Variants in ARHGAP28 observed in about 807,000 individuals in gnomAD.
ARHGAP28 encodes the protein Rho GTPase activating protein 28.
Under a neutral mutation model 90.7 loss-of-function variants are expected in ARHGAP28, and 56 were observed. The ratio of observed to expected loss-of-function variants is 0.62; its 90% CI spans 0.50 to 0.77. The LOEUF (loss-of-function observed/expected upper bound fraction) is 0.77. Among genes scored for constraint, ARHGAP28 ranks in the 30% least tolerant of loss-of-function variants. ARHGAP28 has a pLI of 0.00. For missense variants in ARHGAP28, 869 were observed against 900.9 expected, an observed-to-expected ratio of 0.96 and a Z score of 0.45; for synonymous variants, 308 against 323.3, an observed-to-expected ratio of 0.95 and a Z score of 0.51.
At chr18:6,812,271 A>G (rs563245483) in intron 1 of ARHGAP28, among the ~76,000 whole-genome samples, 1 of 152,318 alleles carries the variant, frequency 6.6e-6, no homozygotes, top group South Asian at 2.1e-4. Context: ...CTTTTCCAAT[A>G]TATCACTTGG....
chr18:6,760,212 A>G (rs990361203), intron 1 of ARHGAP28, among the ~76,000 whole-genome samples: 2 of 152,220 alleles, frequency 1.3e-5, no homozygotes, highest in South Asian at 2.1e-4. Context: ...GTTTGGTGAC[A>G]GTAAATTTGC....
At chr18:6,735,513 G>T (rs1409684120) in intron 1 of ARHGAP28, among the ~76,000 whole-genome samples, 2 of 151,488 alleles carry the variant, frequency 1.3e-5, no homozygotes, top group East Asian at 3.9e-4. Flanking sequence ...CTTCAAATTG[G>T]GTTGGTCTGA....
At chr18:6,816,937 A>T (rs1214383634) in intron 1 of ARHGAP28, among the ~76,000 whole-genome samples, 1 of 151,852 alleles carries the variant, frequency 6.6e-6, no homozygotes, top group Non-Finnish European at 1.5e-5. Context: ...AAAACAAAAA[A>T]AAATTAGCCA....
At chr18:6,787,577 A>C (rs995594816) in intron 1 of ARHGAP28, among the ~76,000 whole-genome samples, 1 of 152,208 alleles carries the variant, frequency 6.6e-6, no homozygotes, top group Non-Finnish European at 1.5e-5. Flanking sequence ...TTTTTATCTA[A>C]GACAATATAG....
chr18:6,791,245 G>T (rs1423779261), intron 1 of ARHGAP28: 1 of 152,138 alleles, frequency 6.6e-6, no homozygotes, highest in African/African-American at 2.4e-5. Flanking sequence ...GACGCAGGCT[G>T]GGAGGCTAGG....
In ARHGAP28 at chr18:6,876,178, T is replaced by G; in HGVS notation, c.1260T>G (p.Phe420Leu). 2 of 1,614,124 alleles carry G rather than the reference T, an allele frequency of 1.2e-6. No homozygotes were observed. Among genetic ancestry groups the G allele is most frequent in the Non-Finnish European group, 1.7e-6 (2 of 1,179,986 alleles). ...EESGLESEGI[F>L]RLSGCTAKVK... ...CAGGTCTGGAATCTGAAGGAATTTT[T>G]CGACTTTCAGGATGTACTGCTAAAG... The change falls in exon 10 of 18, where the codon TTT becomes TTG. Residue 420 changes from phenylalanine to leucine, a missense_variant. Physicochemically the swap from Phe to Leu is conservative, Grantham distance 22. Coordinates refer to ENST00000383472, the MANE Select transcript of ARHGAP28 (RefSeq NM_001366230.1).
At position 6,803,936 on chromosome 18, in the gene ARHGAP28, G is replaced by A. The variant is rs539441693; in HGVS notation, c.123-20826G>A. On this transcript the variant is annotated intron_variant, in intron 1 of 17. Transcript: ENST00000383472. ...TGGGACTACAGGCGCCTCCCACCAC[G>A]CCCAGCTAATTTTTTTGTATTTTTA... is the stretch of plus-strand genomic sequence containing the variant. Among the ~76,000 whole-genome samples the A allele has an allele frequency of 9.2e-5, 14 of 151,874 alleles. No individual in the cohort carries two copies. The East Asian group carries it at 1.9e-3, about 21-fold the overall frequency.
chr18:6,873,511 G>C lies in ARHGAP28; in HGVS notation c.1057G>C (p.Ala353Pro). 6.2e-7 allele frequency: 1 copy of C among 1,614,142 alleles called. No homozygotes were observed. Among genetic ancestry groups the C allele is most frequent in the Non-Finnish European group, 8.5e-7 (1 of 1,180,004 alleles). ...IRHLSLIELTAFFDAFGIQLK... is the reference protein window; with the variant it reads ...IRHLSLIELTPFFDAFGIQLK... Reference sequence around the variant, plus strand: ...CCATCTCTCTCTGATTGAATTGACTGCCTTTTTTGATGCCTTTGGAATTCA... The same window carrying C: ...CCATCTCTCTCTGATTGAATTGACTCCCTTTTTTGATGCCTTTGGAATTCA... The change falls in exon 8 of 18, where the codon GCC becomes CCC. Residue 353 changes from alanine (A) to proline (P), a missense_variant. Ala to Pro is a conservative substitution (Grantham distance 27). Transcript: ENST00000383472.
rs745952797 is a variant in ARHGAP28, at chr18:6,873,447, A to G, written c.993A>G (p.Glu331=). ...AGAAAACCAGATTTGGCTTAACTGA[A>G]GCAGGAGATCTGTCTGCTGAAGACA... ...NVQKTRFGLT[E]AGDLSAEDMK... The change falls in exon 8 of 18, where the codon GAA becomes GAG. Residue 331 remains glutamate (E), a synonymous_variant. Coordinates refer to ENST00000383472, the MANE Select transcript of ARHGAP28 (RefSeq NM_001366230.1). The G allele has an allele frequency of 1.9e-6, 3 of 1,612,492 alleles. No homozygotes were observed. In the Admixed American group the frequency reaches 5.0e-5, roughly 27 times the overall value.
At chr18:6,809,380 G>T (rs1054123802) in intron 1 of ARHGAP28, among the ~76,000 whole-genome samples, 2 of 152,126 alleles carry the variant, frequency 1.3e-5, no homozygotes, top group Non-Finnish European at 2.9e-5. Context: ...TTACTAGAAT[G>T]AAACCATAAT....
At chr18:6,879,038 T>C (rs1021777153) in intron 10 of ARHGAP28, among the ~76,000 whole-genome samples, 11 of 152,158 alleles carry the variant, frequency 7.2e-5, no homozygotes, top group African/African-American at 2.7e-4. Flanking sequence ...GTGCTTTAAT[T>C]GCTTGGGGAG....
chr18:6,889,505 G>A (rs1855039291), intron 12 of ARHGAP28, among the ~76,000 whole-genome samples: 1 of 152,094 alleles, frequency 6.6e-6, no homozygotes, highest in African/African-American at 2.4e-5. Context: ...GTATTTTTCA[G>A]AATTACTTTT....
intron 1 of ARHGAP28, among the ~76,000 whole-genome samples, chr18:6,761,693 C>T (rs1468807306): frequency 2.0e-5 from 3 of 152,176 alleles, no homozygotes; most frequent in South Asian, 2.1e-4. Context: ...TGTTAATGAT[C>T]GAATGACCTC....
chr18:6,816,303 T>G (rs1600211486), intron 1 of ARHGAP28, among the ~76,000 whole-genome samples: 1 of 152,192 alleles, frequency 6.6e-6, no homozygotes, highest in East Asian at 1.9e-4. Context: ...ATAAACATGT[T>G]AGAATCCAAA....
At chr18:6,850,881 GTGCTGTTATCAA>G (rs2056904971) in intron 3 of ARHGAP28, 141 bp from the exon 4 acceptor site, 1 of 1,524,336 alleles carries the variant, frequency 6.6e-7, no homozygotes, top group Non-Finnish European at 8.7e-7. Context: ...GAATTGGTAA[GTGCTGTTATCAA>G]TGCCCAGGTA....
chr18:6,737,805 A>G (rs8092235), intron 1 of ARHGAP28, among the ~76,000 whole-genome samples: 32,213 of 152,146 alleles, frequency 0.21, 3,639 homozygotes, highest in South Asian at 0.37. Context: ...GGGAAATAAA[A>G]AAAGTAGATT....
At chr18:6,797,477 C>T (rs2056449403) in intron 1 of ARHGAP28, among the ~76,000 whole-genome samples, 1 of 152,158 alleles carries the variant, frequency 6.6e-6, no homozygotes, top group South Asian at 2.1e-4. Flanking sequence ...CTTCATGAAA[C>T]TGTATATGAT....
At chr18:6,837,012 A>G (rs2056758830) in intron 2 of ARHGAP28, among the ~76,000 whole-genome samples, 185 bp from the exon 3 acceptor site, 1 of 152,194 alleles carries the variant, frequency 6.6e-6, no homozygotes, top group South Asian at 2.1e-4. Context: ...ATTAGAAAAT[A>G]CTTTAAAATT....
intron 1 of ARHGAP28, among the ~76,000 whole-genome samples, chr18:6,803,046 T>C (rs1270690789): frequency 2.0e-5 from 3 of 152,140 alleles, no homozygotes; most frequent in Non-Finnish European, 4.4e-5. Context: ...ATAGCTAGTT[T>C]ATTTATTTCT....
Sources: gnomAD v4.1 joint callset for allele counts (sites outside exome capture counted in the v4.1 genomes callset) on GRCh38, gnomAD v4.1.1 for gene constraint, MANE v1.5 for transcripts, NCBI Gene and HGNC (gene_info 2026-07-23, HGNC 2026-07-21) for gene names.